Variants in KCNK5 observed in about 807,000 individuals in gnomAD.
The protein encoded by KCNK5 is potassium channel subfamily K member 5.
A neutral mutation model predicts 32.9 loss-of-function variants in KCNK5; 18 were observed. That is an observed-to-expected ratio of 0.55 (90% CI 0.38 to 0.81). KCNK5 has a LOEUF of 0.81. Among genes scored for constraint, KCNK5 ranks in the 30% least tolerant of loss-of-function variants. The probability of loss-of-function intolerance (pLI) is 0.00; values close to 1 mark genes in which losing one functional copy is unlikely to be tolerated. For synonymous variants in KCNK5, 276 were observed against 275.3 expected (o/e 1.00, Z -0.03); for missense variants, 507 against 651.0 (o/e 0.78, Z 2.41).
intron 1 of KCNK5, among the ~76,000 whole-genome samples, chr6:39,202,131 C>T (rs545325085): frequency 6.6e-6 from 1 of 152,106 alleles, no homozygotes; most frequent in African/African-American, 2.4e-5. Flanking sequence ...TAGAACACTG[C>T]CTAGCACACA....
intron 1 of KCNK5, among the ~76,000 whole-genome samples, chr6:39,217,950 G>A (rs1771470191): frequency 6.6e-6 from 1 of 152,196 alleles, no homozygotes; most frequent in Non-Finnish European, 1.5e-5. Context: ...AGAAGCTGGT[G>A]CTCAAGATCA....
intron 1 of KCNK5, among the ~76,000 whole-genome samples, chr6:39,199,832 C>T (rs1004576996): frequency 1.8e-4 from 28 of 152,312 alleles, no homozygotes; most frequent in African/African-American, 5.8e-4. Context: ...CACCCCTCGC[C>T]GGGGCTTTTA....
At chr6:39,209,659 C>A (rs900955848) in intron 1 of KCNK5, among the ~76,000 whole-genome samples, 6 of 152,174 alleles carry the variant, frequency 3.9e-5, no homozygotes, top group African/African-American at 1.4e-4. Context: ...GCAGAAGGAA[C>A]GAGGGCCATG....
rs751251098 is a variant in KCNK5, at chr6:39,194,647, C to T, written c.412G>A (p.Gly138Arg). 5.6e-6 allele frequency: 9 copies of T among 1,614,014 alleles called. No homozygotes were observed. The highest frequency in any genetic ancestry group is 1.3e-5 in the African/African-American group (1 of 74,902). The change falls in exon 3 of 5, where the codon GGG becomes AGG. Residue 138 changes from glycine (G) to arginine (R), a missense_variant. Gly to Arg is a moderately radical substitution (Grantham distance 125). Coordinates refer to ENST00000359534, the MANE Select transcript of KCNK5 (RefSeq NM_003740.4). This position sits in a 1 kb window ranked among gnomAD's most constrained non-coding sequence, Gnocchi z 4.7. ...TWISALGKFFGGRAKRLGQFL... is the reference protein window; with the variant it reads ...TWISALGKFFRGRAKRLGQFL... ...TGCCCTAGTCTCTTGGCACGTCCCC[C>T]GAAGAACTTGCCCAGGGCACTGATC...
chr6:39,229,064 C>G lies in KCNK5; in HGVS notation c.48G>C (p.Leu16=). ...PLLTSAIIFY[L]AIGAAIFEVL... ...CTTCGAAGATCGCCGCCCCGATGGC[C>G]AGGTAGAAGATGATGGCCGAGGTGA... is the stretch of plus-strand genomic sequence containing the variant. Residue 16 remains leucine (L), a synonymous_variant, in exon 1 of 5, where the codon CTG becomes CTC. Coordinates refer to ENST00000359534, the MANE Select transcript of KCNK5 (RefSeq NM_003740.4). 1 of 1,614,152 alleles carries G rather than the reference C, an allele frequency of 6.2e-7. No individual in the cohort carries two copies. Among genetic ancestry groups the G allele is most frequent in the Non-Finnish European group, 8.5e-7 (1 of 1,180,004 alleles).
intron 1 of KCNK5, 47 bp downstream of exon 1, chr6:39,228,879 G>A: frequency 1.3e-6 from 2 of 1,595,086 alleles, no homozygotes; most frequent in South Asian, 2.2e-5. Flanking sequence ...GCCCCCTAAA[G>A]CTCAAGCCAG....
At chr6:39,211,806 A>T (rs1336003619) in intron 1 of KCNK5, among the ~76,000 whole-genome samples, 1 of 151,862 alleles carries the variant, frequency 6.6e-6, no homozygotes, top group East Asian at 1.9e-4. Flanking sequence ...TCTACTAAAA[A>T]TACAAAAATT....
chr6:39,217,035 G>A (rs757065104), intron 1 of KCNK5, among the ~76,000 whole-genome samples: 8 of 141,792 alleles, frequency 5.6e-5, no homozygotes, highest in Middle Eastern at 3.9e-3. Context: ...TGGGAGAATC[G>A]CTTGAATCCG....
chr6:39,196,845 C>T (rs1771039892), intron 1 of KCNK5, among the ~76,000 whole-genome samples: 2 of 152,232 alleles, frequency 1.3e-5, no homozygotes, highest in Admixed American at 1.3e-4. Flanking sequence ...GAGAGGCCAC[C>T]TGGGGATGGG....
Position 39,190,593 on chromosome 6 carries a change from A to G in KCNK5, c.*297T>C, listed in dbSNP as rs1284540548. 2 of 288,198 alleles carry G rather than the reference A, an allele frequency of 6.9e-6. No individual in the cohort carries two copies. Among genetic ancestry groups the G allele is most frequent in the African/African-American group, 4.4e-5 (2 of 45,946 alleles). The allele number at this position is 288,198 out of a possible 1,614,324, so 17.9% of individuals were successfully genotyped here. ...AAGACCCTGCAGGCAAGGCCTCCTCAGGGTCAGTCCTGCCCACCTGTCCCG... is the reference window on the plus strand; with the variant it reads ...AAGACCCTGCAGGCAAGGCCTCCTCGGGGTCAGTCCTGCCCACCTGTCCCG... On this transcript the variant is annotated 3_prime_UTR_variant, in exon 5 of 5. Coordinates refer to ENST00000359534, the MANE Select transcript of KCNK5 (RefSeq NM_003740.4).
intron 1 of KCNK5, among the ~76,000 whole-genome samples, chr6:39,225,017 C>T (rs1771626327): frequency 6.6e-6 from 1 of 151,822 alleles, no homozygotes. Flanking sequence ...GCTGTTCTTT[C>T]TAATCCAAGA....
chr6:39,194,288 A>T lies in KCNK5; in HGVS notation c.515T>A (p.Leu172Gln). 1 of 1,613,916 alleles carries T rather than the reference A, an allele frequency of 6.2e-7. No individual in the cohort carries two copies. Among genetic ancestry groups the T allele is most frequent in the Non-Finnish European group, 8.5e-7 (1 of 1,179,886 alleles). Residue 172 changes from leucine (L) to glutamine (Q), a missense_variant, in exon 4 of 5, where the codon CTA (leucine) becomes CAA (glutamine). Coordinates refer to ENST00000359534, the MANE Select transcript of KCNK5 (RefSeq NM_003740.4). This position sits in a 1 kb window ranked among gnomAD's most constrained non-coding sequence, Gnocchi z 4.7. Reference sequence around the variant, plus strand: ...GAAGGGTGGGATCACCAGGTGGACTAGGACGCCCCACACGATGAAGATGAC... The same window carrying T: ...GAAGGGTGGGATCACCAGGTGGACTTGGACGCCCCACACGATGAAGATGAC... ...CTVIFIVWGV[L>Q]VHLVIPPFVF...
intron 1 of KCNK5, among the ~76,000 whole-genome samples, chr6:39,207,687 A>G (rs1771254613): frequency 6.6e-6 from 1 of 152,072 alleles, no homozygotes; most frequent in South Asian, 2.1e-4. Context: ...GGGTGTTTGA[A>G]GGCCTGATGG....
chr6:39,211,012 C>A (rs150492721), intron 1 of KCNK5, among the ~76,000 whole-genome samples: 1 of 152,116 alleles, frequency 6.6e-6, no homozygotes, highest in African/African-American at 2.4e-5. Flanking sequence ...CCGGGACCCC[C>A]ACCATGGGCC....
intron 1 of KCNK5, among the ~76,000 whole-genome samples, chr6:39,223,896 C>T (rs1771603997): frequency 6.6e-6 from 1 of 152,178 alleles, no homozygotes; most frequent in Non-Finnish European, 1.5e-5. Flanking sequence ...CAATCATCAC[C>T]TCCTTTGCAT....
chr6:39,194,830 C>T lies in KCNK5; in HGVS notation c.299-70G>A. ...ACCAGTGGGCCTTGCTTCCAACACA[C>T]ACACAGCCCGTTCTCTAAGATAAAT... On this transcript the variant is annotated intron_variant, in intron 2 of 4. Transcript: ENST00000359534. This position sits in a 1 kb window ranked among gnomAD's most constrained non-coding sequence, Gnocchi z 4.7. 2 of 1,297,852 alleles carry T rather than the reference C, an allele frequency of 1.5e-6. No individual in the cohort carries two copies. Among genetic ancestry groups the T allele is most frequent in the South Asian group, 1.2e-5 (1 of 81,630 alleles). The allele number at this position is 1,297,852 out of a possible 1,614,324, so 80.4% of individuals were successfully genotyped here.
At chr6:39,216,537 G>A (rs1038685002) in intron 1 of KCNK5, among the ~76,000 whole-genome samples, 5 of 152,178 alleles carry the variant, frequency 3.3e-5, no homozygotes, top group African/African-American at 1.2e-4. Context: ...GGATACGGCA[G>A]CCTCTACTGC....
In KCNK5 at chr6:39,194,107, G is replaced by T; in HGVS notation, c.634+62C>A. 6.3e-7 allele frequency: 1 copy of T among 1,581,008 alleles called. No individual in the cohort carries two copies. Among genetic ancestry groups the T allele is most frequent in the Non-Finnish European group, 8.7e-7 (1 of 1,150,642 alleles). On this transcript the variant is annotated intron_variant, in intron 4 of 4. Transcript: ENST00000359534. The surrounding 1 kb of genome is among the most constrained non-coding windows in gnomAD (Gnocchi z 4.7). ...CCCTACCTAGGGCACCCCCAACATAGGTCTGTTGCACTGAAACCAAAGAAG... is the reference window on the plus strand; with the variant it reads ...CCCTACCTAGGGCACCCCCAACATATGTCTGTTGCACTGAAACCAAAGAAG...
intron 1 of KCNK5, among the ~76,000 whole-genome samples, chr6:39,200,718 C>T (rs562601073): frequency 7.9e-5 from 12 of 152,334 alleles, no homozygotes; most frequent in African/African-American, 2.4e-4. Flanking sequence ...AGGAAACAGC[C>T]ATGTGTGCCC....
Sources: allele counts gnomAD v4.1 joint callset (sites outside exome capture counted in the v4.1 genomes callset), GRCh38; gene constraint gnomAD v4.1.1; non-coding constraint Gnocchi (gnomAD v3.1); transcripts MANE v1.5; gene names NCBI Gene and HGNC (gene_info 2026-07-23, HGNC 2026-07-21).